CSPP1: variants seen among roughly 807,000 people sequenced by gnomAD.
The protein encoded by CSPP1 is centrosome and spindle pole associated protein 1.
A neutral mutation model predicts 164.4 loss-of-function variants in CSPP1; 126 were observed. That is an observed-to-expected ratio of 0.77 (90% confidence interval 0.66 to 0.89). The LOEUF (loss-of-function observed/expected upper bound fraction) is 0.89, where lower values mean the gene tolerates loss of function less well. CSPP1 is among the 40% of genes least tolerant of loss of function. CSPP1 has a pLI of 0.00. For missense variants in CSPP1, 1,395 were observed against 1,449.8 expected, an observed-to-expected ratio of 0.96 and a Z score of 0.61; for synonymous variants, 472 against 476.7, an observed-to-expected ratio of 0.99 and a Z score of 0.13.
rs150924296 is a variant in CSPP1, at chr8:67,074,298, T to G, written c.46T>G (p.Leu16Val). 1.2e-6 allele frequency: 2 copies of G among 1,611,820 alleles called. No homozygotes were observed. Among genetic ancestry groups the G allele is most frequent in the Non-Finnish European group, 8.5e-7 (1 of 1,179,040 alleles). The change falls in exon 2 of 31, where the codon TTG becomes GTG. Residue 16 changes from leucine (L) to valine (V), a missense_variant. Physicochemically the swap from Leu to Val is conservative, Grantham distance 32 (BLOSUM62 1). Transcript: ENST00000678616. ...ATTTATTGAAGAGCAAAAAGCCAGA[T>G]TGGCCGAAGACAAAGCAGAGTTGGA... is the stretch of plus-strand genomic sequence containing the variant. ...DEFIEEQKAR[L>V]AEDKAELESD... is the part of the protein sequence containing the mutation.
intron 15 of CSPP1, chr8:67,123,266 C>T (rs1819348319): frequency 6.6e-6 from 1 of 152,124 alleles, no homozygotes; most frequent in East Asian, 1.9e-4. Flanking sequence ...TTTCTTAGGT[C>T]TCTCTTTATA....
chr8:67,169,918 T>C (rs1830152643), intron 24 of CSPP1, among the ~76,000 whole-genome samples: 1 of 152,090 alleles, frequency 6.6e-6, no homozygotes, highest in Non-Finnish European at 1.5e-5. Context: ...TGCTAATTTT[T>C]GCATTTTTTA....
chr8:67,116,258 C>T (rs1817909869), intron 13 of CSPP1, 136 bp downstream of exon 13: 2 of 604,504 alleles, frequency 3.3e-6, no homozygotes. Flanking sequence ...AATAAATTCT[C>T]TTGAAATTTG....
chr8:67,182,195 G>T (rs1833219666), intron 28 of CSPP1, among the ~76,000 whole-genome samples: 2 of 152,088 alleles, frequency 1.3e-5, no homozygotes, highest in Admixed American at 6.6e-5. Flanking sequence ...TAGAGACAGG[G>T]TTTCACCATG....
At chr8:67,071,374 G>GGT (rs796357742) in intron 1 of CSPP1, among the ~76,000 whole-genome samples, 8 of 132,438 alleles carry the variant, frequency 6.0e-5, no homozygotes, top group African/African-American at 3.0e-5. Context: ...TATTCCCTCT[G>GGT]TTTTTTTTTT....
rs140977074 is a variant in CSPP1, at chr8:67,185,476, A to G, written c.3221-5174A>G. Reference sequence around the variant, plus strand: ...ACAAAGGCAGTCCAATTAAAGTAACACTGGCAACTTTGAAAATGTACAGCC... The same window carrying G: ...ACAAAGGCAGTCCAATTAAAGTAACGCTGGCAACTTTGAAAATGTACAGCC... On this transcript the variant is annotated intron_variant, in intron 28 of 30. Coordinates refer to ENST00000678616, the MANE Select transcript of CSPP1 (RefSeq NM_001382391.1). Among the ~76,000 whole-genome samples, 382 of 152,368 alleles carry G rather than the reference A, an allele frequency of 2.5e-3. 2 individuals are homozygous for G. Among genetic ancestry groups the G allele is most frequent in the African/African-American group, 8.8e-3 (366 of 41,594 alleles).
chr8:67,115,806 T>C (rs1274555298), intron 12 of CSPP1, 108 bp from the exon 13 acceptor site: 2 of 689,382 alleles, frequency 2.9e-6, no homozygotes, highest in Non-Finnish European at 5.0e-6. Context: ...AATTCTGTTA[T>C]TCTGTGACTG....
chr8:67,074,824 A>T (rs1310229333), intron 2 of CSPP1: 1 of 300,564 alleles, frequency 3.3e-6, no homozygotes, highest in Non-Finnish European at 6.3e-6. Flanking sequence ...TCTGTTGGCC[A>T]GGCAGGACTG....
chr8:67,071,353 T>G (rs1806730045), intron 1 of CSPP1, among the ~76,000 whole-genome samples: 1 of 151,828 alleles, frequency 6.6e-6, no homozygotes, highest in Non-Finnish European at 1.5e-5. Flanking sequence ...CTGTTTTAAT[T>G]ATTATTTAAT....
intron 19 of CSPP1, 71 bp from the exon 20 acceptor site, chr8:67,158,376 A>C (rs1827071470): frequency 7.0e-7 from 1 of 1,422,686 alleles, no homozygotes; most frequent in African/African-American, 1.5e-5. Context: ...ATATACTATC[A>C]GGAAAAAAAT....
intron 15 of CSPP1, among the ~76,000 whole-genome samples, chr8:67,122,572 A>T (rs1375759725): frequency 1.3e-5 from 2 of 152,216 alleles, no homozygotes; most frequent in Non-Finnish European, 2.9e-5. Context: ...GTCTAATATA[A>T]TTACATTGCA....
At chr8:67,129,982 G>A (rs1024078206) in intron 15 of CSPP1, among the ~76,000 whole-genome samples, 1 of 152,144 alleles carries the variant, frequency 6.6e-6, no homozygotes, top group African/African-American at 2.4e-5. Context: ...GTTGACACTC[G>A]ATAACACAGG....
intron 18 of CSPP1, 31 bp from the exon 19 acceptor site, chr8:67,153,993 T>C: frequency 1.0e-6 from 1 of 954,362 alleles, no homozygotes; most frequent in African/African-American, 1.6e-5. Context: ...CATTGGCTAA[T>C]AGTATGTTTT....
chr8:67,068,287 A>G lies in CSPP1; in HGVS notation c.-11+3749A>G, dbSNP rs557792658. 3.3e-5 allele frequency among the ~76,000 whole-genome samples: 5 copies of G among 152,352 alleles called. No individual in the cohort carries two copies. In the East Asian group the frequency reaches 9.6e-4, roughly 29 times the overall value. ...ATAGAGCAGTTAAGGAACATGCTTG[A>G]GGTCATTCATGTTGAGATCAATAAG... On this transcript the variant is annotated intron_variant, in intron 1 of 30. Coordinates refer to ENST00000678616, the MANE Select transcript of CSPP1 (RefSeq NM_001382391.1).
In CSPP1 at chr8:67,086,044, C is replaced by A; in HGVS notation, c.237C>A (p.Asp79Glu). Residue 79 changes from aspartate to glutamate, a missense_variant, in exon 4 of 31, where the codon GAC (aspartate) becomes GAA (glutamate). By Grantham distance (45) the Asp-to-Glu change is conservative. Transcript: ENST00000678616. ...DYGLSLPLGEDYERKKHKLKE... is the reference protein window; with the variant it reads ...DYGLSLPLGEEYERKKHKLKE... Reference sequence around the variant, plus strand: ...GATTAAGTTTACCACTTGGAGAAGACTATGAACGGAAGAAACATAAATTAA... The same window carrying A: ...GATTAAGTTTACCACTTGGAGAAGAATATGAACGGAAGAAACATAAATTAA... The A allele has an allele frequency of 6.6e-7, 1 of 1,518,866 alleles. No individual in the cohort carries two copies. The highest frequency in any genetic ancestry group is 9.1e-7 in the Non-Finnish European group (1 of 1,093,586). 94.1% of individuals were successfully genotyped at this position (1,518,866 alleles called of 1,614,324 possible).
chr8:67,192,078 GTTTT>G (rs71249424), intron 29 of CSPP1, among the ~76,000 whole-genome samples: 4 of 127,718 alleles, frequency 3.1e-5, no homozygotes, highest in African/African-American at 9.3e-5. Flanking sequence ...TTTTTTTTTT[GTTTT>G]TTTTTTTTGA....
intron 15 of CSPP1, among the ~76,000 whole-genome samples, chr8:67,126,998 T>C (rs1319877397): frequency 6.6e-6 from 1 of 151,980 alleles, no homozygotes; most frequent in Non-Finnish European, 1.5e-5. Context: ...CCAGACCTAT[T>C]CTACCTGTCC....
chr8:67,182,497 C>T (rs765956635), intron 28 of CSPP1, among the ~76,000 whole-genome samples: 10 of 152,182 alleles, frequency 6.6e-5, no homozygotes, highest in Non-Finnish European at 1.2e-4. Context: ...TTTGGGTATA[C>T]ACTAAGAGAT....
intron 24 of CSPP1, among the ~76,000 whole-genome samples, chr8:67,167,544 G>A (rs1456155506): frequency 4.6e-5 from 7 of 151,834 alleles, no homozygotes; most frequent in Non-Finnish European, 8.8e-5. Flanking sequence ...CTCAGACGGG[G>A]CGGCTGCTGG....
Sources: gnomAD v4.1 joint callset for allele counts (sites outside exome capture counted in the v4.1 genomes callset) on GRCh38, gnomAD v4.1.1 for gene constraint, MANE v1.5 for transcripts, NCBI Gene and HGNC (gene_info 2026-07-23, HGNC 2026-07-21) for gene names.